Variants in PPRC1 observed in about 807,000 individuals in gnomAD.
PPRC1 encodes PPARG related coactivator 1.
A neutral mutation model predicts 132.5 loss-of-function variants in PPRC1; 23 were observed. That is an observed-to-expected ratio of 0.17 (90% confidence interval 0.12 to 0.25). The LOEUF (loss-of-function observed/expected upper bound fraction) is 0.25, where lower values mean the gene tolerates loss of function less well. PPRC1 is among the 10% of genes least tolerant of loss of function. PPRC1 has a pLI of 1.00. For synonymous variants in PPRC1, 872 were observed against 833.5 expected (o/e 1.05, Z -0.80); for missense variants, 2,006 against 2,089.1 (o/e 0.96, Z 0.78).
In PPRC1 at chr10:102,141,666, C is replaced by T; in HGVS notation, c.3158C>T (p.Thr1053Ile). The T allele has an allele frequency of 6.2e-7, 1 of 1,614,138 alleles. No homozygotes were observed. The highest frequency in any genetic ancestry group is 8.5e-7 in the Non-Finnish European group (1 of 1,180,016). The part of the protein sequence containing the change: ...PGHGAPQTEP[T>I]KVEVKPVPAS... ...CATGGAGCTCCTCAGACAGAGCCTACCAAGGTGGAGGTCAAGCCAGTGCCT... is the reference window on the plus strand; with the variant it reads ...CATGGAGCTCCTCAGACAGAGCCTATCAAGGTGGAGGTCAAGCCAGTGCCT... Residue 1053 changes from threonine (T) to isoleucine (I), a missense_variant, in exon 5 of 14, where the codon ACC (threonine) becomes ATC (isoleucine). Physicochemically the swap from Thr to Ile is moderately conservative, Grantham distance 89. Coordinates refer to ENST00000278070, the MANE Select transcript of PPRC1 (RefSeq NM_015062.5).
In PPRC1 at chr10:102,138,983, A is replaced by C. The variant is rs1386126947; in HGVS notation, c.591+3A>C. The C allele has an allele frequency of 2.5e-6, 4 of 1,612,292 alleles. No homozygotes were observed. The highest frequency in any genetic ancestry group is 3.4e-6 in the Non-Finnish European group (4 of 1,178,316). ...CAGGCAGCAGTAGAGGGAGTGGGGT[A>C]AGCCTGACCTAGAGGGTTTCAGAAA... On this transcript the variant is annotated splice_donor_region_variant and intron_variant, in intron 4 of 13. Transcript: ENST00000278070.
the PPRC1 span, among the ~76,000 whole-genome samples, chr10:102,122,554 ATACC>A: frequency 2.0e-5 from 3 of 150,918 alleles, no homozygotes; most frequent in East Asian, 3.9e-4. Context: ...AGGAGGGGGA[ATACC>A]TACCTTGACC....
chr10:102,133,579 T>G (rs2815403), intron 1 of PPRC1, among the ~76,000 whole-genome samples: 137,055 of 152,014 alleles, frequency 0.9, 61,987 homozygotes, highest in African/African-American at 0.97. Flanking sequence ...CACGTGGGGT[T>G]GGGGGAGCAA....
Position 102,150,098 on chromosome 10 carries a change from A to C in PPRC1, c.*69A>C. ...CCAACCTCCTCCACCCCCTTCCCCT[A>C]CTCTAGGGGAGAGAGCTGCTAGTGA... On this transcript the variant is annotated 3_prime_UTR_variant, in exon 14 of 14. Coordinates refer to ENST00000278070, the MANE Select transcript of PPRC1 (RefSeq NM_015062.5). 8.7e-7 allele frequency: 1 copy of C among 1,146,154 alleles called. No individual in the cohort carries two copies. The highest frequency in any genetic ancestry group is 1.3e-6 in the Non-Finnish European group (1 of 762,766). 71.0% of individuals were successfully genotyped at this position (1,146,154 alleles called of 1,614,324 possible).
chr10:102,147,445 C>T, intron 9 of PPRC1, 53 bp downstream of exon 9: 1 of 1,522,252 alleles, frequency 6.6e-7, no homozygotes, highest in Non-Finnish European at 8.8e-7. Context: ...TCACGTACTT[C>T]TGTGGTTTAC....
At chr10:102,149,900 C>T (rs1292694423) in intron 13 of PPRC1, 26 bp from the exon 14 acceptor site, 4 of 1,552,242 alleles carry the variant, frequency 2.6e-6, no homozygotes, top group Admixed American at 1.7e-5. Context: ...GGTCAGAGAC[C>T]TTGAAGTTTG....
At position 102,147,341 on chromosome 10, in the gene PPRC1, C is replaced by T. The variant is rs1564957247; in HGVS notation, c.4349C>T (p.Ser1450Leu). 1.2e-6 allele frequency: 2 copies of T among 1,611,266 alleles called. No homozygotes were observed. Among genetic ancestry groups the T allele is most frequent in the East Asian group, 2.2e-5 (1 of 44,886 alleles). ...TCCTCATCCTCATCATCGTCTTCCTCATCCCGATCTCGGTCCAGGTCCCTC... is the reference window on the plus strand; with the variant it reads ...TCCTCATCCTCATCATCGTCTTCCTTATCCCGATCTCGGTCCAGGTCCCTC... ...ASSSSSSSSS[S>L]SRSRSRSLSP... The change falls in exon 9 of 14, where the codon TCA becomes TTA. Residue 1450 changes from serine to leucine, a missense_variant. By Grantham distance (145) the Ser-to-Leu change is moderately radical. Around this residue, in one of 2 missense-constraint regions of PPRC1, gnomAD observed 1,914 missense variants for 1,917.2 expected, o/e 1.00. Transcript: ENST00000278070.
chr10:102,128,254 C>G (rs1173993478), upstream of PPRC1, among the ~76,000 whole-genome samples: 1 of 152,078 alleles, frequency 6.6e-6, no homozygotes, highest in Non-Finnish European at 1.5e-5. Flanking sequence ...ATTCTGCTGC[C>G]TCAGCCTCCC....
Position 102,148,482 on chromosome 10 carries a change from G to C in PPRC1, c.4511G>C (p.Arg1504Pro). 1 of 1,613,180 alleles carries C rather than the reference G, an allele frequency of 6.2e-7. No homozygotes were observed. Among genetic ancestry groups the C allele is most frequent in the Non-Finnish European group, 8.5e-7 (1 of 1,179,176 alleles). Reference sequence around the variant, plus strand: ...TCATCCAGTTCTCGAAGCCGCTCACGATCCCCATCCCCCCGCCGGAGAAGT... The same window carrying C: ...TCATCCAGTTCTCGAAGCCGCTCACCATCCCCATCCCCCCGCCGGAGAAGT... ...SSSSSSRSRS[R>P]SPSPRRRSDR... Residue 1504 changes from arginine (R) to proline (P), a missense_variant, in exon 10 of 14, where the codon CGA (arginine) becomes CCA (proline). Coordinates refer to ENST00000278070, the MANE Select transcript of PPRC1 (RefSeq NM_015062.5). This position sits in a 1 kb window ranked among gnomAD's most constrained non-coding sequence, Gnocchi z 4.2.
chr10:102,127,573 A>ATT, the PPRC1 span, among the ~76,000 whole-genome samples: 2 of 150,942 alleles, frequency 1.3e-5, no homozygotes, highest in African/African-American at 4.9e-5. Flanking sequence ...CGCCCGGCTA[A>ATT]TTTTTTGTAT....
chr10:102,129,107 T>C (rs962708650), upstream of PPRC1, among the ~76,000 whole-genome samples: 3 of 138,604 alleles, frequency 2.2e-5, no homozygotes, highest in Non-Finnish European at 4.7e-5. Flanking sequence ...TTTTTTTGTG[T>C]TTTTTAGTAG....
At chr10:102,128,267 G>T (rs2068492775), upstream of PPRC1, among the ~76,000 whole-genome samples, 1 of 151,840 alleles carries the variant, frequency 6.6e-6, no homozygotes, top group Non-Finnish European at 1.5e-5. Flanking sequence ...AGCCTCCCGA[G>T]TATCTGGGAT....
Position 102,139,095 on chromosome 10 carries a change from T to C in PPRC1, c.592-5T>C. On this transcript the variant is annotated splice_polypyrimidine_tract_variant and splice_region_variant and intron_variant, in intron 4 of 13. Coordinates refer to ENST00000278070, the MANE Select transcript of PPRC1 (RefSeq NM_015062.5). ...TCCTCCTGAGACCTCTCTTCTCTCC[T>C]GCAGGTTGAAATGTCTCTTCCAGAT... 2 of 1,607,320 alleles carry C rather than the reference T, an allele frequency of 1.2e-6. No individual in the cohort carries two copies. Among genetic ancestry groups the C allele is most frequent in the Non-Finnish European group, 1.7e-6 (2 of 1,175,702 alleles).
chr10:102,145,815 A>T (rs1289987604), intron 8 of PPRC1, among the ~76,000 whole-genome samples: 1 of 152,120 alleles, frequency 6.6e-6, no homozygotes, highest in Non-Finnish European at 1.5e-5. Flanking sequence ...CAGTGAGCTG[A>T]GATTGCGCCA....
the PPRC1 span, among the ~76,000 whole-genome samples, chr10:102,124,587 C>T: frequency 2.7e-5 from 4 of 150,752 alleles, no homozygotes; most frequent in Non-Finnish European, 5.9e-5. Flanking sequence ...GTGATTCACC[C>T]GCCTCGGCCT....
chr10:102,127,803 C>T, the PPRC1 span, among the ~76,000 whole-genome samples: 16 of 152,078 alleles, frequency 1.1e-4, no homozygotes, highest in Admixed American at 3.9e-4. Context: ...CTGCCCATCT[C>T]GGCCTCCCAA....
chr10:102,147,369 C>G lies in PPRC1; in HGVS notation c.4377C>G (p.Ser1459=), dbSNP rs762846900. 1 of 1,606,530 alleles carries G rather than the reference C, an allele frequency of 6.2e-7. No homozygotes were observed. The highest frequency in any genetic ancestry group is 8.5e-7 in the Non-Finnish European group (1 of 1,178,362). The part of the protein sequence containing the change: ...SSSRSRSRSL[S]PPHKRWRRSS... The stretch of plus-strand genomic sequence containing the variant: ...CCCGATCTCGGTCCAGGTCCCTCTC[C>G]CCCCCACACAAGAGGTGGCGAAGGT... The change falls in exon 9 of 14, where the codon TCC becomes TCG. Residue 1459 remains serine, a synonymous_variant. Transcript: ENST00000278070.
intron 2 of PPRC1, 136 bp from the exon 3 acceptor site, chr10:102,138,483 T>G: frequency 9.5e-7 from 1 of 1,058,134 alleles, no homozygotes; most frequent in South Asian, 1.6e-5. Context: ...CCATGCCTTC[T>G]GGTATTCAGA....
chr10:102,133,187 ATGGGACTT>A lies in PPRC1; in HGVS notation c.124_131del (p.Thr42ArgfsTer12). 7.8e-7 allele frequency: 1 copy of A among 1,279,680 alleles called. No individual in the cohort carries two copies. The highest frequency in any genetic ancestry group is 9.9e-7 in the Non-Finnish European group (1 of 1,006,366). The allele number at this position is 1,279,680 out of a possible 1,614,324, so 79.3% of individuals were successfully genotyped here. ...TGGGGAAGTCGAAGCCAAGCGCCGTATGGGACTTTGGGCGCTGTGAGCGGCGGCGAGCA... is the reference window on the plus strand; with the variant it reads ...TGGGGAAGTCGAAGCCAAGCGCCGTATGGGCGCTGTGAGCGGCGGCGAGCA... On this transcript the variant is annotated frameshift_variant, in exon 1 of 14. Transcript: ENST00000278070. LOFTEE classifies it high-confidence loss of function.
Sources: allele counts gnomAD v4.1 joint callset (sites outside exome capture counted in the v4.1 genomes callset), GRCh38; gene constraint gnomAD v4.1.1; regional missense constraint gnomAD v4.1.1; non-coding constraint Gnocchi (gnomAD v3.1); transcripts MANE v1.5; gene names NCBI Gene and HGNC (gene_info 2026-07-23, HGNC 2026-07-21).